Variants in DDX60L observed in about 807,000 individuals in gnomAD.
The protein encoded by DDX60L is DExD/H-box 60 like.
DDX60L carries 191 observed loss-of-function variants against 211.6 expected under a neutral mutation model. The observed-to-expected ratio is 0.90, with a 90% CI of 0.80 to 1.02. The LOEUF (loss-of-function observed/expected upper bound fraction) is 1.02, where lower values mean the gene tolerates loss of function less well. DDX60L is among the 50% of genes least tolerant of loss of function. The probability of loss-of-function intolerance (pLI) is 0.00; values close to 1 mark genes in which losing one functional copy is unlikely to be tolerated. For synonymous variants in DDX60L, 706 were observed against 694.1 expected, an observed-to-expected ratio of 1.02 and a Z score of -0.27; for missense variants, 2,007 against 1,984.1, an observed-to-expected ratio of 1.01 and a Z score of -0.22.
At chr4:168,441,596 A>T in intron 9 of DDX60L, 104 bp from the exon 10 acceptor site, 1 of 941,740 alleles carries the variant, frequency 1.1e-6, no homozygotes, top group Non-Finnish European at 1.6e-6. Context: ...AAAGATGATC[A>T]AATATGGAAA....
Position 168,372,771 on chromosome 4 carries a change from G to T in DDX60L, c.4776+895C>A, listed in dbSNP as rs1257754222. On this transcript the variant is annotated intron_variant, in intron 35 of 37. Coordinates refer to ENST00000682922, the MANE Select transcript of DDX60L (RefSeq NM_001012967.3). ...GGAGGGGAGTCGAGGGAAGGGGAGG[G>T]GAGGGAAGGGAAGGGAAGATACAAA... 2.0e-5 allele frequency among the ~76,000 whole-genome samples: 3 copies of T among 151,634 alleles called. No homozygotes were observed. In the East Asian group the frequency reaches 5.8e-4, roughly 30 times the overall value.
intron 1 of DDX60L, among the ~76,000 whole-genome samples, chr4:168,475,721 C>A (rs572061190): frequency 6.6e-6 from 1 of 152,036 alleles, no homozygotes; most frequent in East Asian, 1.9e-4. Context: ...TATGTCCCCC[C>A]AAAATTCATA....
chr4:168,377,408 C>T (rs1579244175), intron 33 of DDX60L, among the ~76,000 whole-genome samples: 2 of 152,054 alleles, frequency 1.3e-5, no homozygotes, highest in South Asian at 4.2e-4. Context: ...GGCAATAGAC[C>T]ACCATTGTTT....
intron 1 of DDX60L, 120 bp from the exon 2 acceptor site, chr4:168,472,929 T>C: frequency 1.9e-6 from 1 of 530,412 alleles, no homozygotes; most frequent in Admixed American, 3.7e-5. Flanking sequence ...ATTGATCAAA[T>C]AATCATACAA....
Position 168,371,723 on chromosome 4 carries a change from G to A in DDX60L, c.4817C>T (p.Pro1606Leu), listed in dbSNP as rs1010045727. 6.2e-7 allele frequency: 1 copy of A among 1,611,340 alleles called. No individual in the cohort carries two copies. Among genetic ancestry groups the A allele is most frequent in the Non-Finnish European group, 8.5e-7 (1 of 1,178,140 alleles). The change falls in exon 36 of 38, where the codon CCT becomes CTT. Residue 1606 changes from proline to leucine, a missense_variant. Coordinates refer to ENST00000682922, the MANE Select transcript of DDX60L (RefSeq NM_001012967.3). The part of the protein sequence containing the change: ...RTVGVSGTQA[P>L]LLWPWKLDNR... ...ATCTAATTTCCATGGCCACAGCAGAGGAGCCTGAGTGCCACTAACACCGAC... is the reference window on the plus strand; with the variant it reads ...ATCTAATTTCCATGGCCACAGCAGAAGAGCCTGAGTGCCACTAACACCGAC...
intron 17 of DDX60L, among the ~76,000 whole-genome samples, chr4:168,421,042 G>A (rs1397425619): frequency 6.6e-6 from 1 of 151,986 alleles, no homozygotes; most frequent in Non-Finnish European, 1.5e-5. Flanking sequence ...GACCTATATG[G>A]CCATATTGCT....
At chr4:168,406,742 T>C (rs1747815495) in intron 22 of DDX60L, 36 bp from the exon 23 acceptor site, 1 of 1,356,318 alleles carries the variant, frequency 7.4e-7, no homozygotes, top group Non-Finnish European at 1.0e-6. Flanking sequence ...GATGAAGAAA[T>C]AAAATTACAA....
chr4:168,400,295 T>G (rs1462981758), intron 26 of DDX60L, among the ~76,000 whole-genome samples: 1 of 152,220 alleles, frequency 6.6e-6, no homozygotes, highest in African/African-American at 2.4e-5. Flanking sequence ...ATTCCATGTC[T>G]TTGCTATTGT....
intron 10 of DDX60L, among the ~76,000 whole-genome samples, chr4:168,439,477 G>A (rs866079739): frequency 6.6e-6 from 1 of 151,936 alleles, no homozygotes; most frequent in South Asian, 2.1e-4. Flanking sequence ...ATAAATTTTG[G>A]ACTTGCCGAG....
chr4:168,479,349 T>C (rs545961359), intron 1 of DDX60L, among the ~76,000 whole-genome samples: 2 of 152,166 alleles, frequency 1.3e-5, no homozygotes, highest in African/African-American at 4.8e-5. Flanking sequence ...AAACTGCAAA[T>C]CTTAGATTGA....
chr4:168,453,867 T>C (rs1756154202), intron 7 of DDX60L, among the ~76,000 whole-genome samples: 1 of 152,216 alleles, frequency 6.6e-6, no homozygotes, highest in Non-Finnish European at 1.5e-5. Flanking sequence ...TTCAATATGT[T>C]CATTTTTTTA....
At chr4:168,394,205 A>T (rs1039737593) in intron 28 of DDX60L, among the ~76,000 whole-genome samples, 6 of 134,910 alleles carry the variant, frequency 4.4e-5, no homozygotes, top group African/African-American at 9.7e-5. Context: ...AATAAAAATT[A>T]AAAAAAAAAA....
chr4:168,437,111 C>T (rs561321079), intron 10 of DDX60L, among the ~76,000 whole-genome samples: 1 of 152,270 alleles, frequency 6.6e-6, no homozygotes, highest in Admixed American at 6.5e-5. Flanking sequence ...TGGGTCCAGA[C>T]CCTTAAGGAA....
At chr4:168,471,980 A>T in intron 3 of DDX60L, 44 bp from the exon 4 acceptor site, 1 of 1,465,882 alleles carries the variant, frequency 6.8e-7, no homozygotes, top group South Asian at 1.2e-5. Context: ...GATGTTTCAC[A>T]GAGACTTTGT....
At position 168,432,491 on chromosome 4, in the gene DDX60L, TAAG is replaced by T. The variant is rs1455450037; in HGVS notation, c.1477_1479del (p.Leu493del). The T allele has an allele frequency of 1.3e-6, 2 of 1,583,922 alleles. No individual in the cohort carries two copies. The highest frequency in any genetic ancestry group is 1.7e-5 in the Admixed American group (1 of 57,432). ...CATTTGATCCTGTCATAGTCGTCAC[TAAG>T]GAGTCTTTGAGCATGCCAGTGCAAA... On this transcript the variant is annotated inframe_deletion, in exon 12 of 38. Transcript: ENST00000682922.
intron 14 of DDX60L, among the ~76,000 whole-genome samples, chr4:168,424,004 G>A (rs1227339767): frequency 1.3e-5 from 2 of 152,124 alleles, no homozygotes; most frequent in African/African-American, 4.8e-5. Flanking sequence ...ACATAGCTGG[G>A]TAAGTATAGG....
chr4:168,400,200 T>C (rs560721497), intron 26 of DDX60L, among the ~76,000 whole-genome samples: 2 of 152,326 alleles, frequency 1.3e-5, no homozygotes, highest in East Asian at 1.9e-4. Flanking sequence ...ATAATCTCAT[T>C]CTTTTTTATG....
intron 12 of DDX60L, among the ~76,000 whole-genome samples, chr4:168,431,900 G>A (rs1464368635): frequency 1.3e-5 from 2 of 151,998 alleles, no homozygotes; most frequent in African/African-American, 4.8e-5. Context: ...GAGTTTTCAT[G>A]GGCACAATTA....
chr4:168,412,398 A>G (rs948587945), intron 22 of DDX60L, among the ~76,000 whole-genome samples: 1 of 152,056 alleles, frequency 6.6e-6, no homozygotes, highest in African/African-American at 2.4e-5. Flanking sequence ...AGCATTCACC[A>G]TAAGCTGACT....
Sources: gnomAD v4.1 joint callset for allele counts (sites outside exome capture counted in the v4.1 genomes callset) on GRCh38, gnomAD v4.1.1 for gene constraint, MANE v1.5 for transcripts, NCBI Gene and HGNC (gene_info 2026-07-23, HGNC 2026-07-21) for gene names.